The following SH3KBP1 variants were observed in gnomAD, a reference collection of about 807,000 sequenced individuals.
SH3KBP1 encodes SH3 domain-containing kinase-binding protein 1.
Under a neutral mutation model 50.1 loss-of-function variants are expected in SH3KBP1, and 8 were observed. The ratio of observed to expected loss-of-function variants is 0.16; its 90% CI spans 0.09 to 0.29. SH3KBP1 has a LOEUF of 0.29. Ranked by LOEUF, SH3KBP1 falls within the 10% of genes least tolerant of loss-of-function variation. The pLI, the probability that SH3KBP1 is intolerant of heterozygous loss-of-function variation, is 1.00. For missense variants in SH3KBP1, 377 were observed against 535.2 expected, an observed-to-expected ratio of 0.70 and a Z score of 2.92; for synonymous variants, 227 against 218.6, an observed-to-expected ratio of 1.04 and a Z score of -0.34.
chrX:19,854,040 C>T (rs1458451121), intron 1 of SH3KBP1, among the ~76,000 whole-genome samples: 1 of 111,570 alleles, frequency 9.0e-6, no homozygotes, highest in Non-Finnish European at 1.9e-5. Context: ...GGGAGACTAC[C>T]TGTCCATACA....
intron 2 of SH3KBP1, among the ~76,000 whole-genome samples, chrX:19,773,676 G>GA (rs1486574174): frequency 9.3e-6 from 1 of 107,779 alleles, no homozygotes; most frequent in Non-Finnish European, 1.9e-5. Context: ...CTAACACAGT[G>GA]AAACCCCATC....
At position 19,746,340 on chromosome X, in the gene SH3KBP1, C is replaced by T. The variant is rs375522869; in HGVS notation, c.264G>A (p.Thr88=). Residue 88 remains threonine, a synonymous_variant, in exon 3 of 18, where the codon ACG becomes ACA. Coordinates refer to ENST00000397821, the MANE Select transcript of SH3KBP1 (RefSeq NM_031892.3). The part of the protein sequence containing the change: ...PSGNSLLSSE[T]ILRTNKRGER... ...TACCTCTCTTATTGGTTCTTAAAAT[C>T]GTTTCAGAAGACAGCAAAGAGTTTC... 29 of 1,209,480 alleles carry T rather than the reference C, an allele frequency of 2.4e-5. No individual in the cohort carries two copies. Among genetic ancestry groups the T allele is most frequent in the Admixed American group, 6.6e-5 (3 of 45,697 alleles).
chrX:19,775,198 C>T (rs1440090852), intron 2 of SH3KBP1, among the ~76,000 whole-genome samples: 5 of 111,371 alleles, frequency 4.5e-5, no homozygotes, highest in Non-Finnish European at 7.5e-5. Context: ...GAAATTGAGG[C>T]CCTGTAACAT....
chrX:19,567,541 A>ATAT (rs2065882044), intron 13 of SH3KBP1, among the ~76,000 whole-genome samples: 1 of 69,766 alleles, frequency 1.4e-5, no homozygotes, highest in African/African-American at 7.1e-5. Flanking sequence ...AAAAAAAAAA[A>ATAT]AAAAAAAAAA....
At chrX:19,665,631 G>A (rs1254173772) in intron 6 of SH3KBP1, among the ~76,000 whole-genome samples, 1 of 111,907 alleles carries the variant, frequency 8.9e-6, no homozygotes, top group African/African-American at 3.2e-5. Flanking sequence ...CCAACATTAA[G>A]AGCCTGAGCT....
At chrX:19,838,425 G>A (rs1178999369) in intron 1 of SH3KBP1, among the ~76,000 whole-genome samples, 1 of 112,133 alleles carries the variant, frequency 8.9e-6, no homozygotes, top group Non-Finnish European at 1.9e-5. Context: ...TGGTTTGACT[G>A]TGTCCCCACC....
At position 19,836,195 on chromosome X, in the gene SH3KBP1, T is replaced by C; in HGVS notation, c.92A>G (p.Lys31Arg). Residue 31 changes from lysine (K) to arginine (R), a missense_variant, in exon 2 of 18, where the codon AAG (lysine) becomes AGG (arginine). Around this residue, in one of 3 missense-constraint regions of SH3KBP1, gnomAD observed 257 missense variants for 374.2 expected, o/e 0.69. Transcript: ENST00000397821. ...TCCCTCCCACCAGCCTCCATCCTCCTTCCTGATGTTGGTGATGATTTCACC... is the reference window on the plus strand; with the variant it reads ...TCCCTCCCACCAGCCTCCATCCTCCCTCCTGATGTTGGTGATGATTTCACC... The part of the protein sequence containing the change: ...SVGEIITNIR[K>R]EDGGWWEGQI... 1 of 1,210,736 alleles carries C rather than the reference T, an allele frequency of 8.3e-7. No homozygotes were observed. The highest frequency in any genetic ancestry group is 1.1e-6 in the Non-Finnish European group (1 of 894,706).
At chrX:19,875,084 G>GT (rs1377994438) in intron 1 of SH3KBP1, among the ~76,000 whole-genome samples, 1 of 111,008 alleles carries the variant, frequency 9.0e-6, no homozygotes. Flanking sequence ...GGCGGTGGCT[G>GT]TTTTTTACAA....
In SH3KBP1 at chrX:19,852,578, T is replaced by C. The variant is rs748751032; in HGVS notation, c.5-16296A>G. Among the ~76,000 whole-genome samples, 15 of 106,625 alleles carry C rather than the reference T, an allele frequency of 1.4e-4. No individual in the cohort carries two copies. In the South Asian group the frequency reaches 5.1e-3, roughly 36 times the overall value. The allele number at this position is 106,625 out of a possible 115,157, so 92.6% of individuals were successfully genotyped here. On this transcript the variant is annotated intron_variant, in intron 1 of 17. Transcript: ENST00000397821. Reference sequence around the variant, plus strand: ...CTTCTTGCCCCTGTTCCTGCTCATATTTTTTTCAATCAATAAAGATTTTCT... The same window carrying C: ...CTTCTTGCCCCTGTTCCTGCTCATACTTTTTTCAATCAATAAAGATTTTCT...
At chrX:19,604,325 C>T (rs1451034457) in intron 9 of SH3KBP1, among the ~76,000 whole-genome samples, 1 of 111,755 alleles carries the variant, frequency 8.9e-6, no homozygotes, top group Non-Finnish European at 1.9e-5. Context: ...GCATTTGTTA[C>T]CCTGGTGAGG....
chrX:19,748,229 G>T (rs1489341418), intron 2 of SH3KBP1, among the ~76,000 whole-genome samples: 10 of 112,003 alleles, frequency 8.9e-5, no homozygotes, highest in African/African-American at 2.9e-4. Context: ...ACCCAACTTT[G>T]CCAAGGAGTA....
intron 2 of SH3KBP1, among the ~76,000 whole-genome samples, chrX:19,751,821 G>A (rs923372003): frequency 8.9e-6 from 1 of 112,116 alleles, no homozygotes; most frequent in African/African-American, 3.2e-5. Flanking sequence ...AAAAATTCAC[G>A]ACACATTCAG....
intron 12 of SH3KBP1, among the ~76,000 whole-genome samples, chrX:19,574,453 A>G (rs1286299609): frequency 8.9e-6 from 1 of 112,900 alleles, no homozygotes; most frequent in African/African-American, 3.2e-5. Context: ...AGTGTGGATG[A>G]CTTATAAACA....
At chrX:19,844,691 G>T (rs73443541) in intron 1 of SH3KBP1, among the ~76,000 whole-genome samples, 2,471 of 111,932 alleles carry the variant, frequency 0.022, 46 homozygotes, top group African/African-American at 0.065. Flanking sequence ...ACCAGGGGCT[G>T]TCCCTGGAAC....
chrX:19,676,576 T>C, intron 6 of SH3KBP1, among the ~76,000 whole-genome samples: 1 of 111,236 alleles, frequency 9.0e-6, no homozygotes, highest in Non-Finnish European at 1.9e-5. Context: ...TCACAGTGCA[T>C]GCCTGTATCA....
intron 2 of SH3KBP1, among the ~76,000 whole-genome samples, chrX:19,811,513 C>T (rs773543627): frequency 2.3e-4 from 26 of 112,293 alleles, no homozygotes; most frequent in African/African-American, 8.1e-4. Context: ...AAGGTACTCT[C>T]CAAACATGTC....
chrX:19,783,346 C>A (rs1191361781), intron 2 of SH3KBP1, among the ~76,000 whole-genome samples: 1 of 111,997 alleles, frequency 8.9e-6, no homozygotes, highest in Non-Finnish European at 1.9e-5. Flanking sequence ...GTATAATGAT[C>A]AAATCAGAAT....
chrX:19,855,070 G>C (rs1203436168), intron 1 of SH3KBP1, among the ~76,000 whole-genome samples: 1 of 111,007 alleles, frequency 9.0e-6, no homozygotes, highest in Non-Finnish European at 1.9e-5. Flanking sequence ...CTGCCTCCTG[G>C]GTTCAAGCAA....
intron 2 of SH3KBP1, among the ~76,000 whole-genome samples, chrX:19,770,725 T>G (rs1391561990): frequency 9.1e-6 from 1 of 110,460 alleles, no homozygotes; most frequent in Non-Finnish European, 1.9e-5. Context: ...TTTTTACTTT[T>G]TAATAATAGC....
Sources: allele counts gnomAD v4.1 joint callset (sites outside exome capture counted in the v4.1 genomes callset), GRCh38; gene constraint gnomAD v4.1.1; regional missense constraint gnomAD v4.1.1; transcripts MANE v1.5; gene names NCBI Gene and HGNC (gene_info 2026-07-23, HGNC 2026-07-21).